RREB1: variants seen among roughly 807,000 people sequenced by gnomAD.
RREB1 encodes the protein ras responsive element binding protein 1, also known as ras-responsive element-binding protein 1.
Under a neutral mutation model 117.8 loss-of-function variants are expected in RREB1, and 27 were observed. The observed-to-expected ratio is 0.23, with a 90% CI of 0.17 to 0.32. The LOEUF is 0.32. Ranked by LOEUF, RREB1 falls within the 10% of genes least tolerant of loss-of-function variation. The pLI is 1.00. For synonymous variants in RREB1, 1,298 were observed against 1,026.7 expected (o/e 1.26, Z -5.05); for missense variants, 2,577 against 2,378.2 (o/e 1.08, Z -1.74).
chr6:7,108,194 A>C (rs1760922123), intron 1 of RREB1, 134 bp downstream of exon 1: 1 of 152,046 alleles, frequency 6.6e-6, no homozygotes, highest in Non-Finnish European at 1.5e-5. Flanking sequence ...GTACTTTTGA[A>C]ACTCGGTGTG....
rs1483264862 is a variant in RREB1, at chr6:7,251,807, C to T, written c.*2839C>T. The T allele has an allele frequency of 6.6e-6, 1 of 152,222 alleles. No individual in the cohort carries two copies. The highest frequency in any genetic ancestry group is 6.5e-5 in the Admixed American group (1 of 15,280). The allele number at this position is 152,222 out of a possible 1,614,324, so 9.4% of individuals were successfully genotyped here. ...AAAGGGAACTTAAAAACTGCTGCTA[C>T]ATGTTATGTACAAAACTGGTTTATG... On this transcript the variant is annotated 3_prime_UTR_variant, in exon 13 of 13. Transcript: ENST00000379938.
rs149299699 is a variant in RREB1 at position 7,232,432 on chromosome 6, G to A, written c.3808+525G>A. On this transcript the variant is annotated intron_variant, in intron 10 of 12. Coordinates refer to ENST00000379938, the MANE Select transcript of RREB1 (RefSeq NM_001003699.4). ...AATATGACAAATTGTGAGGTTGGCT[G>A]TTTTCTTTCAGTTCACTAAGGCAGT... Among the ~76,000 whole-genome samples the A allele has an allele frequency of 3.9e-4, 59 of 152,304 alleles. No individual in the cohort carries two copies. In the South Asian group the frequency reaches 8.1e-3, roughly 21 times the overall value.
chr6:7,136,495 C>T lies in RREB1; in HGVS notation c.-285+28435C>T, dbSNP rs945180898. On this transcript the variant is annotated intron_variant, in intron 1 of 12. Coordinates refer to ENST00000379938, the MANE Select transcript of RREB1 (RefSeq NM_001003699.4). ...CTTGCTATGTTGCCCAGGCCGGTCT[C>T]GAACTCCTGGGCTCCAGCAACCCGC... Among the ~76,000 whole-genome samples the T allele has an allele frequency of 5.9e-5, 9 of 152,134 alleles. 2 individuals are homozygous for T. The South Asian group carries it at 1.4e-3, about 24-fold the overall frequency.
At chr6:7,111,515 G>T (rs942268867) in intron 1 of RREB1, among the ~76,000 whole-genome samples, 1 of 152,176 alleles carries the variant, frequency 6.6e-6, no homozygotes, top group African/African-American at 2.4e-5. Flanking sequence ...TAGGATAAGG[G>T]TTGCTAAGCA....
At chr6:7,108,821 GC>G (rs1344555357) in intron 1 of RREB1, 2 of 151,718 alleles carry the variant, frequency 1.3e-5, no homozygotes, top group African/African-American at 4.8e-5. Flanking sequence ...GACGGCGCCG[GC>G]CGGGAGGGGG....
chr6:7,131,239 A>G (rs1762146507), intron 1 of RREB1, among the ~76,000 whole-genome samples: 1 of 152,052 alleles, frequency 6.6e-6, no homozygotes, highest in Non-Finnish European at 1.5e-5. Flanking sequence ...ACTCATTTCT[A>G]AGAAGCAAAT....
intron 1 of RREB1, among the ~76,000 whole-genome samples, chr6:7,173,998 C>A (rs571811180): frequency 6.6e-6 from 1 of 152,116 alleles, no homozygotes; most frequent in Non-Finnish European, 1.5e-5. Flanking sequence ...GAGGGACTTC[C>A]GCCCTCTCTT....
rs1331658824 is a variant in RREB1, at chr6:7,182,015, G to T, written c.104G>T (p.Gly35Val). ...GTAGGGAAGGTCACAGAGAATGGCG[G>T]GAGCCCCCAGGGGATCAAGTCCCCC... ...MSVGKVTENG[G>V]SPQGIKSPSK... The change falls in exon 4 of 13, where the codon GGG becomes GTG. Residue 35 changes from glycine (G) to valine (V), a missense_variant. Coordinates refer to ENST00000379938, the MANE Select transcript of RREB1 (RefSeq NM_001003699.4). 6.2e-7 allele frequency: 1 copy of T among 1,614,186 alleles called. No homozygotes were observed. Among genetic ancestry groups the T allele is most frequent in the Non-Finnish European group, 8.5e-7 (1 of 1,180,032 alleles).
chr6:7,144,070 T>C (rs922444685), intron 1 of RREB1, among the ~76,000 whole-genome samples: 1 of 109,122 alleles, frequency 9.2e-6, no homozygotes, highest in Non-Finnish European at 2.0e-5. Context: ...TTTTGCACAC[T>C]TTTTTTTTTA....
At chr6:7,165,321 A>G (rs1360059936) in intron 1 of RREB1, among the ~76,000 whole-genome samples, 2 of 152,344 alleles carry the variant, frequency 1.3e-5, no homozygotes, top group African/African-American at 4.8e-5. Flanking sequence ...AACACTGGAT[A>G]ACAAACTGTT....
intron 1 of RREB1, among the ~76,000 whole-genome samples, chr6:7,160,227 T>G (rs1763582667): frequency 1.3e-5 from 2 of 152,104 alleles, no homozygotes; most frequent in South Asian, 2.1e-4. Context: ...TAAAAAAAAT[T>G]TTTAGACACA....
intron 1 of RREB1, among the ~76,000 whole-genome samples, chr6:7,145,547 A>C (rs1234428335): frequency 6.6e-6 from 1 of 152,140 alleles, no homozygotes; most frequent in South Asian, 2.1e-4. Context: ...GAAGAAAAGA[A>C]CTTGATGCTT....
chr6:7,200,416 T>C (rs1345608867), intron 6 of RREB1, among the ~76,000 whole-genome samples: 1 of 151,906 alleles, frequency 6.6e-6, no homozygotes, highest in Non-Finnish European at 1.5e-5. Flanking sequence ...ATAACAGGCA[T>C]GCGCCACCAT....
intron 6 of RREB1, among the ~76,000 whole-genome samples, chr6:7,191,198 A>C (rs930973705): frequency 1.3e-5 from 2 of 151,980 alleles, no homozygotes; most frequent in Non-Finnish European, 2.9e-5. Flanking sequence ...TATTACGTGA[A>C]CACATGTCTG....
intron 11 of RREB1, among the ~76,000 whole-genome samples, chr6:7,245,962 T>C (rs1768987528): frequency 6.6e-6 from 1 of 152,216 alleles, no homozygotes; most frequent in Non-Finnish European, 1.5e-5. Flanking sequence ...GACCATGCTT[T>C]GGAGGATTAG....
chr6:7,117,388 GTTTTTTT>G (rs70978941), intron 1 of RREB1, among the ~76,000 whole-genome samples: 21 of 63,286 alleles, frequency 3.3e-4, no homozygotes, highest in East Asian at 3.1e-3. Context: ...TAGGTTTCCT[GTTTTTTT>G]TTTTTTTTTT....
intron 1 of RREB1, among the ~76,000 whole-genome samples, chr6:7,149,801 G>C (rs1465051320): frequency 6.6e-6 from 1 of 152,128 alleles, no homozygotes; most frequent in Non-Finnish European, 1.5e-5. Flanking sequence ...CGATTCTCCT[G>C]CCTCAGCCTC....
At chr6:7,244,550 G>A (rs1388432336) in intron 11 of RREB1, among the ~76,000 whole-genome samples, 1 of 152,234 alleles carries the variant, frequency 6.6e-6, no homozygotes, top group African/African-American at 2.4e-5. Flanking sequence ...TCCTTGGAAT[G>A]TGGCCCAGAC....
chr6:7,172,313 C>T (rs564328882), intron 1 of RREB1, among the ~76,000 whole-genome samples: 5 of 151,964 alleles, frequency 3.3e-5, no homozygotes, highest in East Asian at 1.9e-4. Flanking sequence ...AAGAGGAGGC[C>T]GACATATATA....
Sources: allele counts gnomAD v4.1 joint callset (sites outside exome capture counted in the v4.1 genomes callset), GRCh38; gene constraint gnomAD v4.1.1; transcripts MANE v1.5; gene names NCBI Gene and HGNC (gene_info 2026-07-23, HGNC 2026-07-21).